The following C16orf74 variants were observed in gnomAD, a reference collection of about 807,000 sequenced individuals.
C16orf74 encodes the protein calcimembrin, also known as uncharacterized protein C16orf74.
A neutral mutation model predicts 6.5 loss-of-function variants in C16orf74; 10 were observed. That is an observed-to-expected ratio of 1.54 (90% CI 0.95 to 2.61). The LOEUF (loss-of-function observed/expected upper bound fraction) is 2.61, where lower values mean the gene tolerates loss of function less well. C16orf74 is among the 30% of genes most tolerant of loss of function. The pLI is 0.00. For synonymous variants in C16orf74, 60 were observed against 42.5 expected (o/e 1.41, Z -1.60); for missense variants, 141 against 105.9 (o/e 1.33, Z -1.45).
chr16:85,739,328 T>C (rs905252725), intron 1 of C16orf74, among the ~76,000 whole-genome samples: 1 of 152,198 alleles, frequency 6.6e-6, no homozygotes, highest in Non-Finnish European at 1.5e-5. Flanking sequence ...TCTATTCCCT[T>C]TTATCCTGTC....
intron 2 of C16orf74, among the ~76,000 whole-genome samples, chr16:85,730,048 A>G (rs1010135108): frequency 2.0e-5 from 3 of 152,112 alleles, no homozygotes; most frequent in Non-Finnish European, 4.4e-5. Context: ...AGCCAGCCCA[A>G]TAGGGAAGGG....
chr16:85,724,533 G>A (rs1439487730), intron 2 of C16orf74, among the ~76,000 whole-genome samples: 2 of 152,140 alleles, frequency 1.3e-5, no homozygotes, highest in Admixed American at 6.5e-5. Context: ...TGGACAGCAC[G>A]GAAGCCTTGC....
chr16:85,720,750 T>A (rs1480990409), intron 2 of C16orf74, among the ~76,000 whole-genome samples: 1 of 122,812 alleles, frequency 8.1e-6, no homozygotes, highest in Non-Finnish European at 1.6e-5. Context: ...CACCCCAGCC[T>A]GGGCAAGAGA....
chr16:85,728,124 G>A (rs2054152605), intron 2 of C16orf74, among the ~76,000 whole-genome samples: 1 of 152,074 alleles, frequency 6.6e-6, no homozygotes, highest in African/African-American at 2.4e-5. Flanking sequence ...AGCAACAGAG[G>A]GAGAGTGAGA....
rs187841863 is a variant in C16orf74, at chr16:85,735,254, G to C, written c.-18-19C>G. ...TGCAGGCCTGTGGAGAGAGGACAGC[G>C]CTGAGAGAGGGGAGGGCGCGACTTG... On this transcript the variant is annotated intron_variant, in intron 1 of 3. Transcript: ENST00000284245. 1.0e-5 allele frequency: 16 copies of C among 1,549,182 alleles called. No individual in the cohort carries two copies. In the Admixed American group the frequency reaches 2.4e-4, roughly 23 times the overall value.
chr16:85,707,855 G>C lies in C16orf74; in HGVS notation c.*153C>G, dbSNP rs527880364. The C allele has an allele frequency of 3.2e-4, 206 of 640,152 alleles. No individual in the cohort carries two copies. The highest frequency in any genetic ancestry group is 4.0e-4 in the Non-Finnish European group (147 of 366,534). 39.7% of individuals were successfully genotyped at this position (640,152 alleles called of 1,614,324 possible). A position where few individuals can be genotyped will look rare whatever the true frequency, so the allele number is the denominator to read the frequency against. The stretch of plus-strand genomic sequence containing the variant: ...TGGAAGTGGACAGGCTGGATTCCTC[G>C]CTGGTCCTGCCACGTCTCTCTGAGC... On this transcript the variant is annotated 3_prime_UTR_variant, in exon 4 of 4. Coordinates refer to ENST00000284245, the MANE Select transcript of C16orf74 (RefSeq NM_206967.3).
intron 2 of C16orf74, among the ~76,000 whole-genome samples, chr16:85,726,982 C>T (rs914838058): frequency 1.3e-5 from 2 of 152,314 alleles, no homozygotes; most frequent in Middle Eastern, 3.4e-3. Flanking sequence ...CTAGCCACCC[C>T]GGGTAGGCAG....
chr16:85,749,228 C>A (rs1438384117), intron 1 of C16orf74, among the ~76,000 whole-genome samples: 1 of 152,138 alleles, frequency 6.6e-6, no homozygotes, highest in Non-Finnish European at 1.5e-5. Flanking sequence ...AGCCATGTAA[C>A]CTTGTGTCAG....
chr16:85,745,755 C>G (rs936601848), intron 1 of C16orf74, among the ~76,000 whole-genome samples: 7 of 146,802 alleles, frequency 4.8e-5, no homozygotes, highest in African/African-American at 1.8e-4. Flanking sequence ...CACTGCCTAC[C>G]AGAGACAGAA....
intron 2 of C16orf74, among the ~76,000 whole-genome samples, chr16:85,714,505 T>C (rs1011020125): frequency 2.6e-5 from 4 of 151,982 alleles, no homozygotes; most frequent in African/African-American, 9.7e-5. Context: ...CTGCAACCTC[T>C]GCCTCCTGGG....
chr16:85,725,151 C>T (rs1031803195), intron 2 of C16orf74, among the ~76,000 whole-genome samples: 1 of 152,196 alleles, frequency 6.6e-6, no homozygotes, highest in Non-Finnish European at 1.5e-5. Context: ...GATCAGACGC[C>T]ATCTGCTCCC....
Position 85,707,652 on chromosome 16 carries a change from A to T in C16orf74, c.*356T>A. 4.0e-6 allele frequency: 1 copy of T among 251,624 alleles called. No individual in the cohort carries two copies. Among genetic ancestry groups the T allele is most frequent in the Non-Finnish European group, 7.5e-6 (1 of 132,956 alleles). The allele number at this position is 251,624 out of a possible 1,614,324, so 15.6% of individuals were successfully genotyped here. On this transcript the variant is annotated 3_prime_UTR_variant, in exon 4 of 4. Coordinates refer to ENST00000284245, the MANE Select transcript of C16orf74 (RefSeq NM_206967.3). ...AGAAGTTCTTGTTGGTGCTTATGGCAGGGGCATGTGTTTGCACAGCCCTGG... is the reference window on the plus strand; with the variant it reads ...AGAAGTTCTTGTTGGTGCTTATGGCTGGGGCATGTGTTTGCACAGCCCTGG...
intron 2 of C16orf74, among the ~76,000 whole-genome samples, chr16:85,734,662 T>C (rs547788488): frequency 6.6e-6 from 1 of 152,336 alleles, no homozygotes; most frequent in South Asian, 2.1e-4. Context: ...GGAGGTTTCC[T>C]GCAACATTGG....
intron 2 of C16orf74, among the ~76,000 whole-genome samples, chr16:85,717,433 G>C (rs1342746638): frequency 6.6e-6 from 1 of 152,194 alleles, no homozygotes; most frequent in African/African-American, 2.4e-5. Flanking sequence ...GGGCCACTGT[G>C]GGAACAGGTG....
intron 2 of C16orf74, among the ~76,000 whole-genome samples, chr16:85,726,785 G>A (rs2054138188): frequency 6.6e-6 from 1 of 152,110 alleles, no homozygotes; most frequent in Non-Finnish European, 1.5e-5. Context: ...TCCCTGCCTG[G>A]CTCCACCTGG....
In C16orf74 at chr16:85,730,037, A is replaced by G. The variant is rs57395437; in HGVS notation, c.28+5153T>C. On this transcript the variant is annotated intron_variant, in intron 2 of 3. Coordinates refer to ENST00000284245, the MANE Select transcript of C16orf74 (RefSeq NM_206967.3). Reference sequence around the variant, plus strand: ...AGCCAAGTCGGGTGCCATCGACACAAAGCCAGCCCAATAGGGAAGGGGCCT... The same window carrying G: ...AGCCAAGTCGGGTGCCATCGACACAGAGCCAGCCCAATAGGGAAGGGGCCT... 5.5e-3 allele frequency among the ~76,000 whole-genome samples: 836 copies of G among 152,294 alleles called. 8 individuals are homozygous for G. Among genetic ancestry groups the G allele is most frequent in the African/African-American group, 0.019 (774 of 41,568 alleles).
rs562624094 is a variant in C16orf74 at position 85,735,880 on chromosome 16, G to A, written c.-18-645C>T. Among the ~76,000 whole-genome samples the A allele has an allele frequency of 1.4e-4, 22 of 152,276 alleles. No homozygotes were observed. In the East Asian group the frequency reaches 1.9e-3, roughly 13 times the overall value. Reference sequence around the variant, plus strand: ...AGCCAGTGGTGCGGGGCCCCTGCATGCTCTTGACACTCACTCCTCAGTAAC... The same window carrying A: ...AGCCAGTGGTGCGGGGCCCCTGCATACTCTTGACACTCACTCCTCAGTAAC... On this transcript the variant is annotated intron_variant, in intron 1 of 3. Coordinates refer to ENST00000284245, the MANE Select transcript of C16orf74 (RefSeq NM_206967.3).
At chr16:85,736,140 G>A (rs1366167854) in intron 1 of C16orf74, among the ~76,000 whole-genome samples, 2 of 152,190 alleles carry the variant, frequency 1.3e-5, no homozygotes, top group African/African-American at 2.4e-5. Context: ...GGGATGGGAG[G>A]TCAGGCAGGA....
intron 3 of C16orf74, among the ~76,000 whole-genome samples, chr16:85,709,010 AC>A (rs1249822135): frequency 1.3e-5 from 2 of 152,206 alleles, no homozygotes; most frequent in African/African-American, 4.8e-5. Flanking sequence ...TGCCTGCGGC[AC>A]CCGTGACTAG....
Sources: gnomAD v4.1 joint callset for allele counts (sites outside exome capture counted in the v4.1 genomes callset) on GRCh38, gnomAD v4.1.1 for gene constraint, MANE v1.5 for transcripts, NCBI Gene and HGNC (gene_info 2026-07-23, HGNC 2026-07-21) for gene names.